Variants in SGCZ observed in about 807,000 individuals in gnomAD.
The protein encoded by SGCZ is zeta-sarcoglycan.
A neutral mutation model predicts 41.3 loss-of-function variants in SGCZ; 40 were observed. The observed-to-expected ratio is 0.97, with a 90% CI of 0.75 to 1.26. The LOEUF (loss-of-function observed/expected upper bound fraction) is 1.26. SGCZ is among the 50% of genes most tolerant of loss of function. The probability of loss-of-function intolerance (pLI) is 0.00; values close to 1 mark genes in which losing one functional copy is unlikely to be tolerated. For missense variants in SGCZ, 552 were observed against 369.8 expected, an observed-to-expected ratio of 1.49 and a Z score of -4.04; for synonymous variants, 206 against 137.5, an observed-to-expected ratio of 1.50 and a Z score of -3.49.
chr8:14,786,373 C>T (rs1585259185), intron 1 of SGCZ, among the ~76,000 whole-genome samples: 2 of 151,914 alleles, frequency 1.3e-5, no homozygotes, highest in Non-Finnish European at 2.9e-5. Flanking sequence ...ATGAGCCCAA[C>T]AATATATTTG....
chr8:15,218,746 T>G (rs1371154333), intron 1 of SGCZ, among the ~76,000 whole-genome samples: 1 of 152,174 alleles, frequency 6.6e-6, no homozygotes, highest in Non-Finnish European at 1.5e-5. Context: ...AATTGACGCA[T>G]GGATGGATAG....
At chr8:15,122,165 C>G (rs1243853396) in intron 1 of SGCZ, among the ~76,000 whole-genome samples, 1 of 151,686 alleles carries the variant, frequency 6.6e-6, no homozygotes, top group Admixed American at 6.6e-5. Flanking sequence ...CATACTCAAC[C>G]CCAAACCCTG....
chr8:14,231,691 G>A (rs1806577761), intron 4 of SGCZ, among the ~76,000 whole-genome samples: 1 of 151,952 alleles, frequency 6.6e-6, no homozygotes, highest in South Asian at 2.1e-4. Context: ...AGGATTACTA[G>A]GCTCAATGAT....
At position 14,086,458 on chromosome 8, in the gene SGCZ, ATATG is replaced by A. The variant is rs1320678225; in HGVS notation, c.*3981_*3984del. The stretch of plus-strand genomic sequence containing the variant: ...TTCTCTGATTGAGTCATTCGATAGA[ATATG>A]TAGGAATTTTGAATGGAATAAAACA... On this transcript the variant is annotated 3_prime_UTR_variant, in exon 8 of 8. Transcript: ENST00000382080. Among the ~76,000 whole-genome samples the A allele has an allele frequency of 2.0e-5, 3 of 151,722 alleles. No homozygotes were observed. The highest frequency in any genetic ancestry group is 2.0e-4 in the Admixed American group (3 of 15,188).
intron 1 of SGCZ, among the ~76,000 whole-genome samples, chr8:14,687,636 A>G (rs2117560143): frequency 6.6e-6 from 1 of 151,974 alleles, no homozygotes; most frequent in Non-Finnish European, 1.5e-5. Flanking sequence ...GCTATTGTGA[A>G]TAGTGCTGCA....
intron 1 of SGCZ, among the ~76,000 whole-genome samples, chr8:14,601,977 G>C (rs950244905): frequency 2.6e-5 from 4 of 152,010 alleles, no homozygotes; most frequent in Admixed American, 6.5e-5. Flanking sequence ...AAAATTAGCC[G>C]GGCCTGGTGG....
intron 5 of SGCZ, among the ~76,000 whole-genome samples, chr8:14,158,380 C>T (rs1037615344): frequency 1.2e-4 from 18 of 151,986 alleles, no homozygotes; most frequent in Admixed American, 2.0e-4. Flanking sequence ...CCGGGTAATG[C>T]GATCTCCACA....
At chr8:15,050,635 T>C (rs553697580) in intron 1 of SGCZ, among the ~76,000 whole-genome samples, 1 of 152,134 alleles carries the variant, frequency 6.6e-6, no homozygotes, top group Non-Finnish European at 1.5e-5. Flanking sequence ...GTTTTCAACA[T>C]GGAGGTCAAC....
intron 5 of SGCZ, among the ~76,000 whole-genome samples, chr8:14,153,013 G>A (rs1803757281): frequency 6.6e-6 from 1 of 152,056 alleles, no homozygotes; most frequent in Non-Finnish European, 1.5e-5. Flanking sequence ...GATTGTCGGG[G>A]GTTAACGTGA....
chr8:14,450,616 C>T (rs1169835979), intron 2 of SGCZ, among the ~76,000 whole-genome samples: 1 of 152,068 alleles, frequency 6.6e-6, no homozygotes, highest in Non-Finnish European at 1.5e-5. Flanking sequence ...AGAATCAGAC[C>T]AATTTTTTAA....
chr8:14,603,315 A>T (rs1438929824), intron 1 of SGCZ, among the ~76,000 whole-genome samples: 1 of 152,208 alleles, frequency 6.6e-6, no homozygotes, highest in Non-Finnish European at 1.5e-5. Context: ...GGAAAACTGA[A>T]CTGAAAACAA....
intron 1 of SGCZ, among the ~76,000 whole-genome samples, chr8:15,064,868 C>A (rs1225728016): frequency 6.6e-6 from 1 of 152,092 alleles, no homozygotes; most frequent in East Asian, 1.9e-4. Context: ...AGGATCTAGA[C>A]CAAACCCCTG....
At chr8:14,990,456 C>A (rs115241010) in intron 1 of SGCZ, among the ~76,000 whole-genome samples, 1 of 152,098 alleles carries the variant, frequency 6.6e-6, no homozygotes, top group Non-Finnish European at 1.5e-5. Context: ...CTGAGCTCCA[C>A]CTCCTGTCCC....
intron 1 of SGCZ, among the ~76,000 whole-genome samples, chr8:14,596,106 T>A (rs1805405032): frequency 6.6e-6 from 1 of 152,234 alleles, no homozygotes; most frequent in South Asian, 2.1e-4. Context: ...TTGTGGTCTT[T>A]ATCTCACTTA....
chr8:15,230,490 T>C (rs1202403195), intron 1 of SGCZ, among the ~76,000 whole-genome samples: 1 of 152,236 alleles, frequency 6.6e-6, no homozygotes, highest in Non-Finnish European at 1.5e-5. Flanking sequence ...AATGAGAAGA[T>C]AATATTCAGC....
intron 1 of SGCZ, among the ~76,000 whole-genome samples, chr8:14,849,910 C>G (rs545565274): frequency 5.3e-5 from 8 of 152,202 alleles, no homozygotes; most frequent in Middle Eastern, 3.4e-3. Context: ...CAAAATGTCT[C>G]TTTTATTTCT....
Position 14,685,380 on chromosome 8 carries a change from G to C in SGCZ, c.40-130454C>G, listed in dbSNP as rs575742002. Among the ~76,000 whole-genome samples, 10 of 152,010 alleles carry C rather than the reference G, an allele frequency of 6.6e-5. No homozygotes were observed. In the East Asian group the frequency reaches 1.4e-3, roughly 21 times the overall value. On this transcript the variant is annotated intron_variant, in intron 1 of 7. Coordinates refer to ENST00000382080, the MANE Select transcript of SGCZ (RefSeq NM_139167.4). ...TAGAAGTCTAGCTTGAGCTATTAAG[G>C]CACGTTTAAAATATATCTAAAAAAT...
At chr8:14,643,811 C>G (rs558660726) in intron 1 of SGCZ, among the ~76,000 whole-genome samples, 1 of 151,614 alleles carries the variant, frequency 6.6e-6, no homozygotes, top group South Asian at 2.1e-4. Flanking sequence ...TGAAGGTTGC[C>G]TCTATCATGA....
intron 1 of SGCZ, among the ~76,000 whole-genome samples, chr8:14,726,343 A>ATATATATATATATAT (rs1563228602): frequency 2.1e-5 from 2 of 94,082 alleles, no homozygotes. Context: ...TATATATATA[A>ATATATATATATATAT]AATTAGATAG....
Sources: gnomAD v4.1 joint callset for allele counts (sites outside exome capture counted in the v4.1 genomes callset) on GRCh38, gnomAD v4.1.1 for gene constraint, MANE v1.5 for transcripts, NCBI Gene and HGNC (gene_info 2026-07-23, HGNC 2026-07-21) for gene names.